Variants in TUBB3 observed in about 807,000 individuals in gnomAD.
TUBB3 encodes tubulin beta-3 chain.
TUBB3 carries 17 observed loss-of-function variants against 37.8 expected under a neutral mutation model. That is an observed-to-expected ratio of 0.45 (90% confidence interval 0.31 to 0.67). The LOEUF (loss-of-function observed/expected upper bound fraction) is 0.67. TUBB3 is among the 30% of genes least tolerant of loss of function. TUBB3 has a pLI of 0.07. For missense variants in TUBB3, 262 were observed against 657.9 expected, an observed-to-expected ratio of 0.40 and a Z score of 6.58; for synonymous variants, 332 against 278.9, an observed-to-expected ratio of 1.19 and a Z score of -1.90.
chr16:89,933,681 C>T (rs548829944), intron 3 of TUBB3, 103 bp downstream of exon 3: 1 of 909,156 alleles, frequency 1.1e-6, no homozygotes, highest in African/African-American at 1.6e-5. Flanking sequence ...GTCAGCTCCT[C>T]ACATGATCCT....
rs375873644 is a variant in TUBB3, at chr16:89,934,723, G to C, written c.278-6G>C. 2 of 1,613,994 alleles carry C rather than the reference G, an allele frequency of 1.2e-6. No homozygotes were observed. Among genetic ancestry groups the C allele is most frequent in the Non-Finnish European group, 1.7e-6 (2 of 1,179,920 alleles). Reference sequence around the variant, plus strand: ...CCTGTCTCTTACCCCTCTTCTCCCTGTACAGGTCAGAGTGGGGCCGGCAAC... The same window carrying C: ...CCTGTCTCTTACCCCTCTTCTCCCTCTACAGGTCAGAGTGGGGCCGGCAAC... On this transcript the variant is annotated splice_polypyrimidine_tract_variant and splice_region_variant and intron_variant, in intron 3 of 3. Transcript: ENST00000315491.
rs748734939 is a variant in TUBB3, at chr16:89,935,090, C to T, written c.639C>T (p.Arg213=). The change falls in exon 4 of 4, where the codon CGC becomes CGT. Residue 213 remains arginine, a synonymous_variant. Coordinates refer to ENST00000315491, the MANE Select transcript of TUBB3 (RefSeq NM_006086.4). ...AGGCGCTCTACGACATCTGCTTCCG[C>T]ACCCTCAAGCTGGCCACGCCCACCT... The part of the protein sequence containing the change: ...DNEALYDICF[R]TLKLATPTYG... The T allele has an allele frequency of 2.7e-5, 44 of 1,614,076 alleles. No homozygotes were observed. The South Asian group carries it at 4.3e-4, about 16-fold the overall frequency.
At chr16:89,933,396 G>C in intron 2 of TUBB3, 72 bp from the exon 3 acceptor site, 6 of 1,264,106 alleles carry the variant, frequency 4.7e-6, no homozygotes, top group Non-Finnish European at 7.0e-6. Context: ...GGCGGGCACA[G>C]AATTCAGAAA....
intron 2 of TUBB3, chr16:89,932,891 A>G (rs1275205140): frequency 1.6e-6 from 1 of 611,832 alleles, no homozygotes; most frequent in Non-Finnish European, 3.0e-6. Context: ...AGTGAGAGCC[A>G]AACATATTAG....
intron 1 of TUBB3, 102 bp from the exon 2 acceptor site, chr16:89,932,469 A>G: frequency 1.0e-6 from 1 of 953,526 alleles, no homozygotes; most frequent in Non-Finnish European, 1.7e-6. Context: ...CGTGGGTCAA[A>G]AGCCCTAATT....
chr16:89,931,395 G>A lies in TUBB3; in HGVS notation c.58-1176G>A, dbSNP rs546197805. On this transcript the variant is annotated intron_variant, in intron 1 of 3. Transcript: ENST00000315491. ...AGTCACTCCTGAGGAGTAAGGGCAAGGGGCATTGGGAGAGGTCAGGCAGCC... is the reference window on the plus strand; with the variant it reads ...AGTCACTCCTGAGGAGTAAGGGCAAAGGGCATTGGGAGAGGTCAGGCAGCC... 9.3e-4 allele frequency among the ~76,000 whole-genome samples: 142 copies of A among 152,366 alleles called. 2 individuals are homozygous for A. The highest frequency in any genetic ancestry group is 1.1e-3 in the Non-Finnish European group (78 of 68,034).
At chr16:89,933,856 C>A (rs553589214) in intron 3 of TUBB3, 1 of 688,774 alleles carries the variant, frequency 1.5e-6, no homozygotes, top group African/African-American at 1.8e-5. Context: ...AGAACGGGGC[C>A]TCCAGAGGAC....
In TUBB3 at chr16:89,926,081, C is replaced by G. The variant is rs1484323447; in HGVS notation, c.57+2623C>G. 2.6e-5 allele frequency among the ~76,000 whole-genome samples: 4 copies of G among 152,178 alleles called. No homozygotes were observed. In the East Asian group the frequency reaches 5.8e-4, roughly 22 times the overall value. On this transcript the variant is annotated intron_variant, in intron 1 of 3. Transcript: ENST00000315491. Reference sequence around the variant, plus strand: ...GGCGGGCCGGGCTATGCAGAAACACCGGGGCCCGCGGGACACAGGACGCTG... The same window carrying G: ...GGCGGGCCGGGCTATGCAGAAACACGGGGGCCCGCGGGACACAGGACGCTG...
intron 1 of TUBB3, chr16:89,931,689 A>G (rs57576639): frequency 0.11 from 22,151 of 199,588 alleles, 2,605 homozygotes; most frequent in African/African-American, 0.32. Context: ...AGATGAGGAC[A>G]CTGAGACACG....
intron 3 of TUBB3, 189 bp from the exon 4 acceptor site, chr16:89,934,540 G>A (rs2030386889): frequency 1.5e-6 from 1 of 662,204 alleles, no homozygotes; most frequent in Non-Finnish European, 2.7e-6. Context: ...CTCGTCCTGA[G>A]CACTCAGCAG....
At chr16:89,931,074 G>A (rs191849087) in intron 1 of TUBB3, among the ~76,000 whole-genome samples, 23 of 151,890 alleles carry the variant, frequency 1.5e-4, no homozygotes, top group Non-Finnish European at 2.5e-4. Context: ...TGATCCACCC[G>A]CCTCGGCCTC....
intron 1 of TUBB3, among the ~76,000 whole-genome samples, chr16:89,931,190 T>G (rs2030266765): frequency 6.6e-6 from 1 of 152,126 alleles, no homozygotes; most frequent in Non-Finnish European, 1.5e-5. Flanking sequence ...TTGTCTACAC[T>G]CCTGGGGTCC....
Position 89,928,103 on chromosome 16 carries a change from C to T in TUBB3, c.58-4468C>T, listed in dbSNP as rs535065825. ...TTTTTGAGACAGGCTCTTACTCTGT[C>T]GCCTGGACTGGCATGATCTAGGCTC... On this transcript the variant is annotated intron_variant, in intron 1 of 3. Coordinates refer to ENST00000315491, the MANE Select transcript of TUBB3 (RefSeq NM_006086.4). Among the ~76,000 whole-genome samples, 32 of 152,110 alleles carry T rather than the reference C, an allele frequency of 2.1e-4. No homozygotes were observed. In the South Asian group the frequency reaches 4.4e-3, roughly 21 times the overall value.
chr16:89,934,705 C>T (rs771473827), intron 3 of TUBB3, 24 bp from the exon 4 acceptor site: 3 of 1,612,142 alleles, frequency 1.9e-6, no homozygotes, highest in Admixed American at 1.7e-5. Context: ...GCCCCTGTCT[C>T]TTACCCCTCT....
In TUBB3 at chr16:89,935,887, C is replaced by T; in HGVS notation, c.*83C>T. On this transcript the variant is annotated 3_prime_UTR_variant, in exon 4 of 4. Transcript: ENST00000315491. Reference sequence around the variant, plus strand: ...CTAAACCCCCGGAGCCATCTTGCTGCCGACACCCTGCTTTCCCCTCGCCCT... The same window carrying T: ...CTAAACCCCCGGAGCCATCTTGCTGTCGACACCCTGCTTTCCCCTCGCCCT... The T allele has an allele frequency of 6.7e-7, 1 of 1,486,110 alleles. No individual in the cohort carries two copies. The highest frequency in any genetic ancestry group is 9.1e-7 in the Non-Finnish European group (1 of 1,104,848). The allele number at this position is 1,486,110 out of a possible 1,614,324, so 92.1% of individuals were successfully genotyped here. A position where few individuals can be genotyped will look rare whatever the true frequency, so the allele number is the denominator to read the frequency against.
chr16:89,935,893 C>A lies in TUBB3; in HGVS notation c.*89C>A. Reference sequence around the variant, plus strand: ...CCCCGGAGCCATCTTGCTGCCGACACCCTGCTTTCCCCTCGCCCTAGGGCT... The same window carrying A: ...CCCCGGAGCCATCTTGCTGCCGACAACCTGCTTTCCCCTCGCCCTAGGGCT... On this transcript the variant is annotated 3_prime_UTR_variant, in exon 4 of 4. Coordinates refer to ENST00000315491, the MANE Select transcript of TUBB3 (RefSeq NM_006086.4). The A allele has an allele frequency of 6.8e-7, 1 of 1,466,996 alleles. No individual in the cohort carries two copies. Among genetic ancestry groups the A allele is most frequent in the Non-Finnish European group, 9.2e-7 (1 of 1,090,224 alleles). 90.9% of individuals were successfully genotyped at this position (1,466,996 alleles called of 1,614,324 possible).
intron 1 of TUBB3, 112 bp from the exon 2 acceptor site, chr16:89,932,459 C>T (rs2151091922): frequency 1.2e-6 from 1 of 823,462 alleles, no homozygotes; most frequent in Non-Finnish European, 2.1e-6. Context: ...TCGTGGAGGC[C>T]GTGGGTCAAA....
intron 1 of TUBB3, among the ~76,000 whole-genome samples, chr16:89,930,012 TC>T (rs2030223575): frequency 8.3e-6 from 1 of 120,910 alleles, no homozygotes; most frequent in Admixed American, 8.7e-5. Flanking sequence ...AGCAGTTTTC[TC>T]CCCTTCCTTC....
Position 89,931,409 on chromosome 16 carries a change from G to A in TUBB3, c.58-1162G>A, listed in dbSNP as rs116131976. Among the ~76,000 whole-genome samples the A allele has an allele frequency of 4.5e-3, 681 of 152,318 alleles. 1 individual carries two copies. Among genetic ancestry groups the A allele is most frequent in the African/African-American group, 0.015 (634 of 41,574 alleles). On this transcript the variant is annotated intron_variant, in intron 1 of 3. Transcript: ENST00000315491. Reference sequence around the variant, plus strand: ...AGTAAGGGCAAGGGGCATTGGGAGAGGTCAGGCAGCCCTGGGAAGCCTCCC... The same window carrying A: ...AGTAAGGGCAAGGGGCATTGGGAGAAGTCAGGCAGCCCTGGGAAGCCTCCC...
Sources: gnomAD v4.1 joint callset for allele counts (sites outside exome capture counted in the v4.1 genomes callset) on GRCh38, gnomAD v4.1.1 for gene constraint, MANE v1.5 for transcripts, NCBI Gene and HGNC (gene_info 2026-07-23, HGNC 2026-07-21) for gene names.